The following ARPP21 variants were observed in gnomAD, a reference collection of about 807,000 sequenced individuals.
ARPP21 encodes the protein cAMP-regulated phosphoprotein 21.
Under a neutral mutation model 113.2 loss-of-function variants are expected in ARPP21, and 69 were observed. The ratio of observed to expected loss-of-function variants is 0.61; its 90% confidence interval spans 0.50 to 0.74. ARPP21 has a LOEUF of 0.74. Ranked by LOEUF, ARPP21 falls within the 30% of genes least tolerant of loss-of-function variation. The probability of loss-of-function intolerance (pLI) is 0.00; values close to 1 mark genes in which losing one functional copy is unlikely to be tolerated. For synonymous variants in ARPP21, 368 were observed against 375.5 expected (o/e 0.98, Z 0.23); for missense variants, 1,070 against 1,037.4 (o/e 1.03, Z -0.43).
At chr3:35,693,278 A>G (rs1482596413) in intron 9 of ARPP21, among the ~76,000 whole-genome samples, 2 of 151,658 alleles carry the variant, frequency 1.3e-5, no homozygotes, top group African/African-American at 4.8e-5. Flanking sequence ...ACTGTATGTC[A>G]TGGACTTTCA....
At chr3:35,696,085 G>A (rs1256420359) in intron 9 of ARPP21, among the ~76,000 whole-genome samples, 3 of 151,414 alleles carry the variant, frequency 2.0e-5, no homozygotes, top group Admixed American at 6.6e-5. Context: ...TCTTGAAGGC[G>A]GGCAGCTCTT....
intron 9 of ARPP21, among the ~76,000 whole-genome samples, chr3:35,703,163 A>G (rs1298997766): frequency 4.0e-5 from 6 of 151,898 alleles, no homozygotes; most frequent in Non-Finnish European, 8.8e-5. Context: ...TTGGAAGAAA[A>G]GTAATAAATC....
chr3:35,714,039 C>A (rs949397740), intron 11 of ARPP21, among the ~76,000 whole-genome samples: 1 of 152,152 alleles, frequency 6.6e-6, no homozygotes, highest in Non-Finnish European at 1.5e-5. Flanking sequence ...CTGTAAAGAG[C>A]CCTTCATAGG....
At chr3:35,690,258 G>T in intron 8 of ARPP21, 118 bp downstream of exon 8, 1 of 646,798 alleles carries the variant, frequency 1.5e-6, no homozygotes. Flanking sequence ...TATGTTCCTT[G>T]ATTTGTTAAA....
At chr3:35,659,900 A>G (rs1370133171) in intron 1 of ARPP21, among the ~76,000 whole-genome samples, 2 of 152,204 alleles carry the variant, frequency 1.3e-5, no homozygotes, top group East Asian at 3.9e-4. Flanking sequence ...ACATTGGTCC[A>G]CAATGACACC....
intron 19 of ARPP21, among the ~76,000 whole-genome samples, chr3:35,765,395 C>A (rs190042492): frequency 1.3e-5 from 2 of 152,040 alleles, no homozygotes; most frequent in Non-Finnish European, 2.9e-5. Context: ...AGAAACCAAG[C>A]GAGTGGGGTA....
chr3:35,670,159 T>C (rs2075965905), intron 1 of ARPP21, among the ~76,000 whole-genome samples: 1 of 152,120 alleles, frequency 6.6e-6, no homozygotes, highest in Non-Finnish European at 1.5e-5. Context: ...CATTGAAAAG[T>C]ATTAAATATT....
intron 19 of ARPP21, among the ~76,000 whole-genome samples, chr3:35,771,532 T>C (rs1408686268): frequency 1.3e-5 from 2 of 152,264 alleles, no homozygotes; most frequent in Admixed American, 6.5e-5. Flanking sequence ...TTTCACCATG[T>C]TGGCCAGCCT....
At chr3:35,672,740 T>G (rs1214557985) in intron 1 of ARPP21, among the ~76,000 whole-genome samples, 1 of 152,080 alleles carries the variant, frequency 6.6e-6, no homozygotes, top group Non-Finnish European at 1.5e-5. Context: ...TAAAGAATGA[T>G]TCATCTGCTT....
chr3:35,762,350 G>C (rs2095814618), intron 19 of ARPP21, among the ~76,000 whole-genome samples: 1 of 151,966 alleles, frequency 6.6e-6, no homozygotes, highest in Non-Finnish European at 1.5e-5. Flanking sequence ...TCAGAGAAGT[G>C]CTGATATTAT....
At chr3:35,690,712 T>G (rs2081997494) in intron 8 of ARPP21, among the ~76,000 whole-genome samples, 153 bp from the exon 9 acceptor site, 1 of 151,664 alleles carries the variant, frequency 6.6e-6, no homozygotes, top group African/African-American at 2.4e-5. Context: ...GTAGAAAATT[T>G]TTCTAGAAAT....
Position 35,735,074 on chromosome 3 carries a change from C to T in ARPP21, c.1460-2104C>T, listed in dbSNP as rs150176050. Reference sequence around the variant, plus strand: ...TGTACTTTTTTTCACTAGAATGTCTCGTTTTCTCTGGGTCAGTTTTTAAAT... The same window carrying T: ...TGTACTTTTTTTCACTAGAATGTCTTGTTTTCTCTGGGTCAGTTTTTAAAT... On this transcript the variant is annotated intron_variant, in intron 15 of 20. Transcript: ENST00000684406. 1.1e-3 allele frequency among the ~76,000 whole-genome samples: 165 copies of T among 152,124 alleles called. 1 individual carries two copies. Among genetic ancestry groups the T allele is most frequent in the African/African-American group, 3.8e-3 (157 of 41,514 alleles).
chr3:35,665,087 G>T (rs2073995031), intron 1 of ARPP21, among the ~76,000 whole-genome samples: 1 of 152,174 alleles, frequency 6.6e-6, no homozygotes, highest in African/African-American at 2.4e-5. Context: ...GATTTTAAAA[G>T]TTAAAAGCTG....
chr3:35,774,618 A>T (rs2151587331), intron 19 of ARPP21, among the ~76,000 whole-genome samples: 1 of 152,278 alleles, frequency 6.6e-6, no homozygotes, highest in East Asian at 1.9e-4. Context: ...TCTCCTGCTG[A>T]ATTAAGGATT....
At chr3:35,715,372 G>A (rs1207931422) in intron 11 of ARPP21, 67 bp from the exon 12 acceptor site, 3 of 1,280,948 alleles carry the variant, frequency 2.3e-6, no homozygotes, top group Non-Finnish European at 3.4e-6. Flanking sequence ...TTTAAAATCA[G>A]GCAAGTATTT....
intron 9 of ARPP21, among the ~76,000 whole-genome samples, chr3:35,706,213 C>T (rs868611868): frequency 6.6e-6 from 1 of 152,174 alleles, no homozygotes; most frequent in Non-Finnish European, 1.5e-5. Flanking sequence ...TCATTGAGTT[C>T]TGTGGTCTGC....
Position 35,707,145 on chromosome 3 carries a change from C to T in ARPP21, c.795+63C>T, listed in dbSNP as rs930280279. ...TTTTGAAGGTGGGCTGACTGATGTT[C>T]ATGTCGTCCCTCTGTTGTCCCTGCC... On this transcript the variant is annotated intron_variant, in intron 10 of 20. Coordinates refer to ENST00000684406, the MANE Select transcript of ARPP21 (RefSeq NM_001385562.1). 10 of 1,250,798 alleles carry T rather than the reference C, an allele frequency of 8.0e-6. No individual in the cohort carries two copies. The African/African-American group carries it at 1.2e-4, about 15-fold the overall frequency. The allele number at this position is 1,250,798 out of a possible 1,614,324, so 77.5% of individuals were successfully genotyped here.
At chr3:35,729,618 G>A in intron 15 of ARPP21, 82 bp downstream of exon 15, 3 of 1,265,606 alleles carry the variant, frequency 2.4e-6, no homozygotes, top group Non-Finnish European at 3.4e-6. Context: ...TTGCTAGCAA[G>A]TATTCTGAAA....
At chr3:35,745,791 G>A (rs1178989513) in intron 19 of ARPP21, among the ~76,000 whole-genome samples, 1 of 152,142 alleles carries the variant, frequency 6.6e-6, no homozygotes, top group East Asian at 1.9e-4. Flanking sequence ...GGAGAATTTA[G>A]GGATGTGGAA....
Sources: gnomAD v4.1 joint callset for allele counts (sites outside exome capture counted in the v4.1 genomes callset) on GRCh38, gnomAD v4.1.1 for gene constraint, MANE v1.5 for transcripts, NCBI Gene and HGNC (gene_info 2026-07-23, HGNC 2026-07-21) for gene names.